WWOX: variants seen among roughly 807,000 people sequenced by gnomAD.
WWOX encodes WW domain containing oxidoreductase.
WWOX carries 69 observed loss-of-function variants against 46.2 expected under a neutral mutation model. The observed-to-expected ratio is 1.49, with a 90% CI of 1.23 to 1.82. The LOEUF is 1.82. Ranked by LOEUF, WWOX falls within the 40% of genes most tolerant of loss-of-function variation. The probability of loss-of-function intolerance (pLI) is 0.00; values close to 1 mark genes in which losing one functional copy is unlikely to be tolerated. For synonymous variants in WWOX, 359 were observed against 202.6 expected (o/e 1.77, Z -6.56); for missense variants, 919 against 542.6 (o/e 1.69, Z -6.89).
At chr16:78,454,963 C>G (rs72799924) in intron 8 of WWOX, among the ~76,000 whole-genome samples, 10,051 of 152,230 alleles carry the variant, frequency 0.066, 521 homozygotes, top group South Asian at 0.16. Flanking sequence ...GATAAATGTT[C>G]ATTGAGTGCC....
chr16:78,581,149 G>A (rs1050941494), intron 8 of WWOX, among the ~76,000 whole-genome samples: 4 of 151,888 alleles, frequency 2.6e-5, no homozygotes, highest in African/African-American at 7.3e-5. Context: ...ACATGACACC[G>A]TATAACAAGT....
intron 8 of WWOX, among the ~76,000 whole-genome samples, chr16:78,954,142 T>G (rs1476101145): frequency 6.6e-6 from 1 of 152,222 alleles, no homozygotes; most frequent in East Asian, 1.9e-4. Flanking sequence ...GCCATAAAAA[T>G]GTCTGTCAGA....
chr16:78,206,653 T>A (rs1029709147), intron 5 of WWOX, among the ~76,000 whole-genome samples: 9 of 152,200 alleles, frequency 5.9e-5, no homozygotes, highest in African/African-American at 2.2e-4. Flanking sequence ...AATACTTTTG[T>A]AGATACAATT....
At chr16:78,472,899 G>A (rs546537559) in intron 8 of WWOX, among the ~76,000 whole-genome samples, 91 of 151,434 alleles carry the variant, frequency 6.0e-4, no homozygotes, top group African/African-American at 1.7e-3. Flanking sequence ...GGATTACTGC[G>A]CCACTCCCTT....
intron 8 of WWOX, among the ~76,000 whole-genome samples, chr16:79,122,615 C>T (rs1294208882): frequency 6.6e-6 from 1 of 151,646 alleles, no homozygotes; most frequent in African/African-American, 2.4e-5. Context: ...CTCCCATACT[C>T]TCTACTTTTC....
intron 8 of WWOX, among the ~76,000 whole-genome samples, chr16:78,654,704 C>T (rs1020749809): frequency 5.3e-5 from 8 of 151,748 alleles, no homozygotes; most frequent in Middle Eastern, 3.4e-3. Flanking sequence ...CAGTATGAAA[C>T]CTAAAAATAA....
intron 8 of WWOX, among the ~76,000 whole-genome samples, chr16:78,595,428 A>G (rs1456713831): frequency 6.6e-6 from 1 of 152,018 alleles, no homozygotes; most frequent in East Asian, 1.9e-4. Context: ...GGAACGTAAT[A>G]TTCGTTGGGA....
intron 5 of WWOX, among the ~76,000 whole-genome samples, chr16:78,198,280 C>T (rs1472733960): frequency 1.3e-5 from 2 of 152,110 alleles, no homozygotes; most frequent in African/African-American, 2.4e-5. Flanking sequence ...GAACTGGATT[C>T]CTACCAGAGG....
chr16:78,340,033 G>T (rs1483826952), intron 5 of WWOX, among the ~76,000 whole-genome samples: 1 of 46,582 alleles, frequency 2.1e-5, no homozygotes. Flanking sequence ...GGGGGGGGAC[G>T]TTTCTATTTC....
chr16:79,189,934 AG>A lies in WWOX; in HGVS notation c.1057-21664del, dbSNP rs67451675. ...GGTGACAGCTGGTATGGGGTGGGGA[AG>A]GGGGGGGGGATAAAGATATTAATTT... On this transcript the variant is annotated intron_variant, in intron 8 of 8. Transcript: ENST00000566780. Among the ~76,000 whole-genome samples the A allele has an allele frequency of 8.6e-3, 785 of 91,092 alleles. 4 individuals are homozygous for A. The highest frequency in any genetic ancestry group is 0.02 in the African/African-American group (544 of 26,674). 59.8% of individuals were successfully genotyped at this position (91,092 alleles called of 152,430 possible).
intron 8 of WWOX, among the ~76,000 whole-genome samples, chr16:78,706,397 T>G (rs537304593): frequency 1.1e-4 from 16 of 152,264 alleles, no homozygotes; most frequent in African/African-American, 3.9e-4. Flanking sequence ...GGAATCTCTC[T>G]GGGGGCATCC....
intron 6 of WWOX, among the ~76,000 whole-genome samples, chr16:78,407,673 T>A (rs2082579984): frequency 6.6e-6 from 1 of 152,192 alleles, no homozygotes; most frequent in Non-Finnish European, 1.5e-5. Flanking sequence ...GACTCTTTCT[T>A]GATCAACTAG....
At chr16:78,156,596 T>G (rs1375568798) in intron 4 of WWOX, among the ~76,000 whole-genome samples, 1 of 152,168 alleles carries the variant, frequency 6.6e-6, no homozygotes, top group Non-Finnish European at 1.5e-5. Context: ...TTGGAGGGTG[T>G]AAGGCTCAAG....
At chr16:79,170,102 G>T (rs1167772014) in intron 8 of WWOX, among the ~76,000 whole-genome samples, 1 of 152,124 alleles carries the variant, frequency 6.6e-6, no homozygotes, top group Non-Finnish European at 1.5e-5. Flanking sequence ...GAAAATACAG[G>T]AGTATTTTTC....
At chr16:78,930,720 G>A (rs1008954256) in intron 8 of WWOX, among the ~76,000 whole-genome samples, 1 of 151,984 alleles carries the variant, frequency 6.6e-6, no homozygotes, top group Non-Finnish European at 1.5e-5. Context: ...GAAAAAATGA[G>A]TGAGTAAAGT....
Position 78,720,891 on chromosome 16 carries a change from C to G in WWOX, c.1056+288139C>G, listed in dbSNP as rs538296196. ...TGGATTAAAATTAATTTGGTCCTAA[C>G]TAAAAGATAAGTTCCTCCCCCATCC... On this transcript the variant is annotated intron_variant, in intron 8 of 8. Transcript: ENST00000566780. Among the ~76,000 whole-genome samples the G allele has an allele frequency of 2.6e-5, 4 of 152,228 alleles. No individual in the cohort carries two copies. The South Asian group carries it at 6.2e-4, about 24-fold the overall frequency.
At chr16:78,692,183 G>T (rs2048004938) in intron 8 of WWOX, among the ~76,000 whole-genome samples, 1 of 152,198 alleles carries the variant, frequency 6.6e-6, no homozygotes, top group Non-Finnish European at 1.5e-5. Context: ...TAGGAAGGGA[G>T]TGTGGTTGTA....
chr16:78,985,912 C>G (rs536400039), intron 8 of WWOX, among the ~76,000 whole-genome samples: 1 of 152,362 alleles, frequency 6.6e-6, no homozygotes, highest in African/African-American at 2.4e-5. Context: ...CAGGATCCCT[C>G]TCATACAAAC....
chr16:78,733,992 C>T (rs929848649), intron 8 of WWOX, among the ~76,000 whole-genome samples: 3 of 147,162 alleles, frequency 2.0e-5, no homozygotes, highest in African/African-American at 7.5e-5. Flanking sequence ...CCCAGGTAGC[C>T]GAGGCTCCAG....
Sources: allele counts gnomAD v4.1 joint callset (sites outside exome capture counted in the v4.1 genomes callset), GRCh38; gene constraint gnomAD v4.1.1; transcripts MANE v1.5; gene names NCBI Gene and HGNC (gene_info 2026-07-23, HGNC 2026-07-21).